The following NBEA variants were observed in gnomAD, a reference collection of about 807,000 sequenced individuals.
The protein encoded by NBEA is lysosomal-trafficking regulator 2.
In NBEA, 44 loss-of-function variants were observed where a neutral mutation model predicts 343.4. That is an observed-to-expected ratio of 0.13 (90% CI 0.10 to 0.16). The LOEUF (loss-of-function observed/expected upper bound fraction) is 0.16, where lower values mean the gene tolerates loss of function less well. NBEA is among the 10% of genes least tolerant of loss of function. The pLI is 1.00. For missense variants in NBEA, 2,555 were observed against 3,631.3 expected (o/e 0.70, Z 7.62); for synonymous variants, 1,175 against 1,238.7 (o/e 0.95, Z 1.08).
intron 34 of NBEA, chr13:35,251,759 A>C (rs1397606609): frequency 1.9e-5 from 4 of 205,200 alleles, no homozygotes; most frequent in African/African-American, 7.1e-5. Flanking sequence ...AGCCACCAAG[A>C]GCGTTGCTTA....
At chr13:35,601,663 G>A (rs1034160102) in intron 47 of NBEA, among the ~76,000 whole-genome samples, 1 of 151,210 alleles carries the variant, frequency 6.6e-6, no homozygotes, top group African/African-American at 2.4e-5. Flanking sequence ...TTGGGAGGCT[G>A]AGGCAGAAGA....
chr13:35,094,052 G>A (rs1044814704), intron 10 of NBEA, among the ~76,000 whole-genome samples: 1 of 151,670 alleles, frequency 6.6e-6, no homozygotes, highest in Non-Finnish European at 1.5e-5. Context: ...TTCCTCAGAA[G>A]ACAAATTGAC....
At chr13:35,319,447 C>T (rs915810614) in intron 36 of NBEA, among the ~76,000 whole-genome samples, 2 of 152,190 alleles carry the variant, frequency 1.3e-5, no homozygotes, top group East Asian at 1.9e-4. Context: ...TTTGATTGCA[C>T]TGTGGTCTGA....
chr13:35,251,115 A>G (rs539634524), intron 34 of NBEA: 83 of 205,864 alleles, frequency 4.0e-4, no homozygotes, highest in African/African-American at 1.8e-3. Flanking sequence ...TCTGCCTTCT[A>G]TAATGTGGAT....
At chr13:35,028,639 G>A (rs945557463) in intron 1 of NBEA, among the ~76,000 whole-genome samples, 1 of 151,362 alleles carries the variant, frequency 6.6e-6, no homozygotes, top group African/African-American at 2.4e-5. Flanking sequence ...TATTTCCTTT[G>A]TTTGCCTTAT....
chr13:35,010,526 A>G (rs1311602367), intron 1 of NBEA, among the ~76,000 whole-genome samples: 1 of 146,344 alleles, frequency 6.8e-6, no homozygotes, highest in East Asian at 2.0e-4. Flanking sequence ...GGCTGCAGTG[A>G]GCCGAGATTG....
intron 39 of NBEA, among the ~76,000 whole-genome samples, chr13:35,445,794 ATATATATATATATATATATATATG>A (rs1321544510): frequency 8.7e-5 from 7 of 80,050 alleles, no homozygotes; most frequent in East Asian, 5.4e-4. Context: ...ATATATATAT[ATATATATATATATATATATATATG>A]TATATATATA....
intron 1 of NBEA, among the ~76,000 whole-genome samples, chr13:35,003,186 A>C (rs1389959756): frequency 1.3e-5 from 2 of 152,178 alleles, no homozygotes; most frequent in African/African-American, 2.4e-5. Flanking sequence ...GAGCCTGGGC[A>C]ATATGGTGAA....
chr13:35,155,132 T>TAAAA (rs753159286), intron 18 of NBEA, among the ~76,000 whole-genome samples: 7 of 61,862 alleles, frequency 1.1e-4, no homozygotes, highest in Non-Finnish European at 1.5e-4. Context: ...ATTCTGTCTC[T>TAAAA]AAAAAAAAAA....
At chr13:34,992,749 TG>T (rs1301833909) in intron 1 of NBEA, among the ~76,000 whole-genome samples, 1 of 151,888 alleles carries the variant, frequency 6.6e-6, no homozygotes, top group Non-Finnish European at 1.5e-5. Flanking sequence ...CTCAGCTCAC[TG>T]CAAGCTCCGA....
chr13:35,159,287 G>C lies in NBEA; in HGVS notation c.3116G>C (p.Gly1039Ala), dbSNP rs755764090. The change falls in exon 22 of 59, where the codon GGA (glycine) becomes GCA (alanine). Residue 1039 changes from glycine (G) to alanine (A), a missense_variant. By Grantham distance (60) the Gly-to-Ala change is moderately conservative (BLOSUM62 0). Transcript: ENST00000379939. The stretch of plus-strand genomic sequence containing the variant: ...ACAAAAGTGTCAGATGATATTCTTG[G>C]AAATTCAGATAGACCAGGAAGTGGT... ...MSTKVSDDIL[G>A]NSDRPGSGVH... is the part of the protein sequence containing the mutation. 1.9e-6 allele frequency: 3 copies of C among 1,613,496 alleles called. No homozygotes were observed. In the South Asian group the frequency reaches 3.3e-5, roughly 18 times the overall value.
At chr13:35,527,713 CG>C (rs2152996456) in intron 41 of NBEA, among the ~76,000 whole-genome samples, 1 of 152,284 alleles carries the variant, frequency 6.6e-6, no homozygotes, top group African/African-American at 2.4e-5. Context: ...TCTGAGCCTG[CG>C]GGAGCTAGGG....
intron 58 of NBEA, among the ~76,000 whole-genome samples, chr13:35,669,533 T>G (rs187700918): frequency 6.0e-4 from 92 of 152,314 alleles, no homozygotes; most frequent in African/African-American, 2.2e-3. Flanking sequence ...CCCAGACTGT[T>G]TTTAAAGAAG....
chr13:35,230,471 C>A (rs1202923697), intron 33 of NBEA, among the ~76,000 whole-genome samples: 1 of 152,060 alleles, frequency 6.6e-6, no homozygotes, highest in Non-Finnish European at 1.5e-5. Flanking sequence ...ACTTATTAAT[C>A]TTAAATAAAA....
intron 1 of NBEA, 117 bp from the exon 2 acceptor site, chr13:35,040,816 T>C: frequency 1.2e-6 from 1 of 808,170 alleles, no homozygotes; most frequent in Non-Finnish European, 2.0e-6. Context: ...ATTAATTTTA[T>C]ACCAGAATCC....
At chr13:35,646,392 T>C in intron 51 of NBEA, 44 bp downstream of exon 51, 1 of 1,359,198 alleles carries the variant, frequency 7.4e-7, no homozygotes, top group Non-Finnish European at 1.0e-6. Context: ...CTTTCCTTTT[T>C]ACCTGGGAAT....
intron 1 of NBEA, among the ~76,000 whole-genome samples, chr13:35,018,901 A>G (rs1418342353): frequency 6.6e-6 from 1 of 152,124 alleles, no homozygotes; most frequent in Non-Finnish European, 1.5e-5. Context: ...CCTTTTATGA[A>G]TATCTGGTTG....
chr13:35,651,362 G>C (rs1339153318), intron 52 of NBEA, among the ~76,000 whole-genome samples: 4 of 151,076 alleles, frequency 2.6e-5, no homozygotes, highest in African/African-American at 9.8e-5. Flanking sequence ...GTGAGCGCAG[G>C]CTCATACCCA....
chr13:35,516,128 A>T (rs1227365621), intron 41 of NBEA, among the ~76,000 whole-genome samples: 1 of 152,208 alleles, frequency 6.6e-6, no homozygotes, highest in African/African-American at 2.4e-5. Context: ...TAAAATGATC[A>T]TATTACAAGC....
Sources: gnomAD v4.1 joint callset for allele counts (sites outside exome capture counted in the v4.1 genomes callset) on GRCh38, gnomAD v4.1.1 for gene constraint, MANE v1.5 for transcripts, NCBI Gene and HGNC (gene_info 2026-07-23, HGNC 2026-07-21) for gene names.